The following HERC2 variants were observed in gnomAD, a reference collection of about 807,000 sequenced individuals.
HERC2 encodes the protein E3 ubiquitin-protein ligase HERC2.
HERC2 carries 102 observed loss-of-function variants against 537.7 expected under a neutral mutation model. That is an observed-to-expected ratio of 0.19 (90% CI 0.16 to 0.22). The LOEUF (loss-of-function observed/expected upper bound fraction) is 0.22, where lower values mean the gene tolerates loss of function less well. Among genes scored for constraint, HERC2 ranks in the 10% least tolerant of loss-of-function variants. The probability of loss-of-function intolerance (pLI) is 1.00; values close to 1 mark genes in which losing one functional copy is unlikely to be tolerated. For synonymous variants in HERC2, 2,224 were observed against 2,466.2 expected, an observed-to-expected ratio of 0.90 and a Z score of 2.91; for missense variants, 4,236 against 6,198.2, an observed-to-expected ratio of 0.68 and a Z score of 10.63.
intron 76 of HERC2, 143 bp downstream of exon 76, chr15:28,142,095 C>T: frequency 1.1e-6 from 1 of 872,656 alleles, no homozygotes; most frequent in East Asian, 2.6e-5. Flanking sequence ...TGTCAGTTCA[C>T]TCATTTTCAC....
intron 44 of HERC2, among the ~76,000 whole-genome samples, chr15:28,210,677 T>A (rs764833817): frequency 1.7e-4 from 26 of 151,934 alleles, no homozygotes; most frequent in Admixed American, 4.6e-4. Context: ...CAGGCTCTAT[T>A]TCTTTGGTCT....
chr15:28,155,304 T>C (rs1892884450), intron 69 of HERC2, among the ~76,000 whole-genome samples: 3 of 152,278 alleles, frequency 2.0e-5, no homozygotes, highest in South Asian at 4.2e-4. Flanking sequence ...CTGGGTCAAA[T>C]GGTATTTCTA....
chr15:28,260,843 T>C lies in HERC2; in HGVS notation c.2250A>G (p.Pro750=), dbSNP rs773056325. Residue 750 remains proline, a synonymous_variant, in exon 16 of 93, where the codon CCA becomes CCG. Transcript: ENST00000261609. ...QHFDTLRVTK[P]EPAALPGLDT... ...CCAGTCCTGGCAATGCTGCAGGTTC[T>C]GGCTTGGTCACGCGCAAGGTGTCAA... is the stretch of plus-strand genomic sequence containing the variant. 2 of 1,614,148 alleles carry C rather than the reference T, an allele frequency of 1.2e-6. No individual in the cohort carries two copies. The highest frequency in any genetic ancestry group is 1.3e-5 in the African/African-American group (1 of 74,956).
intron 4 of HERC2, among the ~76,000 whole-genome samples, chr15:28,280,778 C>T (rs28687537): frequency 0.025 from 3,850 of 152,044 alleles, 92 homozygotes; most frequent in Non-Finnish European, 0.038. Context: ...AGTGTGGTGA[C>T]GCACGCCTGG....
intron 4 of HERC2, among the ~76,000 whole-genome samples, chr15:28,284,037 G>A (rs938372728): frequency 6.6e-6 from 1 of 152,128 alleles, no homozygotes; most frequent in Admixed American, 6.6e-5. Flanking sequence ...GAGCCTGAAG[G>A]TAATTTTATA....
intron 20 of HERC2, among the ~76,000 whole-genome samples, chr15:28,251,267 A>G (rs1238246349): frequency 6.6e-6 from 1 of 151,628 alleles, no homozygotes; most frequent in Non-Finnish European, 1.5e-5. Context: ...ACATGGGGAA[A>G]CCCCATCTCT....
chr15:28,210,546 C>T (rs1899080357), intron 44 of HERC2, among the ~76,000 whole-genome samples: 1 of 152,218 alleles, frequency 6.6e-6, no homozygotes, highest in African/African-American at 2.4e-5. Flanking sequence ...CAAAGACCAA[C>T]TCATTTCCTC....
chr15:28,119,797 G>A (rs568589244), intron 86 of HERC2, among the ~76,000 whole-genome samples: 1 of 152,212 alleles, frequency 6.6e-6, no homozygotes, highest in Admixed American at 6.5e-5. Context: ...TTTTTCAATT[G>A]CATACTGAAC....
At chr15:28,252,103 T>G (rs2075103017) in intron 20 of HERC2, among the ~76,000 whole-genome samples, 1 of 152,154 alleles carries the variant, frequency 6.6e-6, no homozygotes, top group Admixed American at 6.6e-5. Flanking sequence ...CGGAATCAAG[T>G]TTTTAAACCT....
At chr15:28,178,739 G>T in intron 59 of HERC2, 148 bp downstream of exon 59, 1 of 835,204 alleles carries the variant, frequency 1.2e-6, no homozygotes, top group Non-Finnish European at 1.7e-6. Context: ...CTAAATTCTA[G>T]ACCACCTAGA....
Position 28,233,677 on chromosome 15 carries a change from T to G in HERC2, c.4338A>C (p.Lys1446Asn). Residue 1446 changes from lysine to asparagine, a missense_variant, in exon 28 of 93, where the codon AAA (lysine) becomes AAC (asparagine). By Grantham distance (94) the Lys-to-Asn change is moderately conservative. Around this residue, in one of 27 missense-constraint regions of HERC2, gnomAD observed 94 missense variants for 174.9 expected, o/e 0.54. Coordinates refer to ENST00000261609, the MANE Select transcript of HERC2 (RefSeq NM_004667.6). ...VGRLLLCCLLKHEDLGHVALS... is the reference protein window; with the variant it reads ...VGRLLLCCLLNHEDLGHVALS... ...CGAGCTCCTTACCTAAATCTTCATGTTTTAAGAGGCAACATAACAACAAGC... is the reference window on the plus strand; with the variant it reads ...CGAGCTCCTTACCTAAATCTTCATGGTTTAAGAGGCAACATAACAACAAGC... The G allele has an allele frequency of 6.2e-7, 1 of 1,613,976 alleles. No homozygotes were observed. Among genetic ancestry groups the G allele is most frequent in the Non-Finnish European group, 8.5e-7 (1 of 1,179,842 alleles).
chr15:28,192,330 AG>A (rs1348392916), intron 52 of HERC2, among the ~76,000 whole-genome samples, 179 bp from the exon 53 acceptor site: 1 of 152,234 alleles, frequency 6.6e-6, no homozygotes, highest in Non-Finnish European at 1.5e-5. Flanking sequence ...CCAATTTATG[AG>A]ATGAAGTCCA....
chr15:28,248,878 T>C (rs1450297719), intron 20 of HERC2, 142 bp from the exon 21 acceptor site: 1 of 667,580 alleles, frequency 1.5e-6, no homozygotes, highest in Admixed American at 2.9e-5. Flanking sequence ...TCCCCAAGTG[T>C]GTCCAATGTA....
At position 28,265,693 on chromosome 15, in the gene HERC2, C is replaced by T. The variant is rs1271703222; in HGVS notation, c.1795G>A (p.Gly599Arg). 7 of 1,614,202 alleles carry T rather than the reference C, an allele frequency of 4.3e-6. No homozygotes were observed. The highest frequency in any genetic ancestry group is 5.9e-6 in the Non-Finnish European group (7 of 1,180,030). The change falls in exon 14 of 93, where the codon GGG (glycine) becomes AGG (arginine). Residue 599 changes from glycine to arginine, a missense_variant. Gly to Arg is a moderately radical substitution (Grantham distance 125). Coordinates refer to ENST00000261609, the MANE Select transcript of HERC2 (RefSeq NM_004667.6). The surrounding 1 kb of genome is among the most constrained non-coding windows in gnomAD (Gnocchi z 4.0). ...EDEAIPMLVA[G>R]LKGLKVIDVA... ...TCGATGACCTTCAGTCCTTTAAGCC[C>T]GGCTACCAGCATCGGAATGGCCTCG...
At chr15:28,246,671 G>T in intron 22 of HERC2, 71 bp downstream of exon 22, 1 of 1,326,322 alleles carries the variant, frequency 7.5e-7, no homozygotes, top group Non-Finnish European at 1.0e-6. Context: ...ATGCTGATCA[G>T]CAAAGAAGAC....
intron 2 of HERC2, among the ~76,000 whole-genome samples, chr15:28,301,239 A>T (rs964000018): frequency 2.0e-5 from 3 of 151,954 alleles, no homozygotes; most frequent in Non-Finnish European, 4.4e-5. Flanking sequence ...ACATGCCGAA[A>T]CCCCATCTCT....
chr15:28,206,563 G>A (rs553832091), intron 44 of HERC2, among the ~76,000 whole-genome samples, 181 bp from the exon 45 acceptor site: 7 of 151,740 alleles, frequency 4.6e-5, no homozygotes, highest in African/African-American at 1.7e-4. Context: ...GTTGGGTGCG[G>A]TGGCTCACGC....
Position 28,212,569 on chromosome 15 carries a change from G to C in HERC2, c.6801C>G (p.Ala2267=). The change falls in exon 43 of 93, where the codon GCC becomes GCG. Residue 2267 remains alanine (A), a synonymous_variant. Coordinates refer to ENST00000261609, the MANE Select transcript of HERC2 (RefSeq NM_004667.6). ...TGAAGGGCAGGTTGTTCACATTAAA[G>C]GCCACGGCAGGGAGCTGGAGAGGAC... ...LNQLKPLPAV[A]FNVNNLPFTE... 1 of 1,605,870 alleles carries C rather than the reference G, an allele frequency of 6.2e-7. No individual in the cohort carries two copies. Among genetic ancestry groups the C allele is most frequent in the South Asian group, 1.1e-5 (1 of 90,540 alleles).
chr15:28,280,287 T>A lies in HERC2; in HGVS notation c.323A>T (p.Asp108Val). The A allele has an allele frequency of 6.2e-7, 1 of 1,602,998 alleles. No individual in the cohort carries two copies. Among genetic ancestry groups the A allele is most frequent in the Non-Finnish European group, 8.5e-7 (1 of 1,175,928 alleles). Residue 108 changes from aspartate (D) to valine (V), a missense_variant and splice_region_variant, in exon 5 of 93, where the codon GAT becomes GTT. Physicochemically the swap from Asp to Val is radical, Grantham distance 152 (BLOSUM62 -3). Coordinates refer to ENST00000261609, the MANE Select transcript of HERC2 (RefSeq NM_004667.6). ...LDSWVWGKQP[D>V]VNELKECLSV... is the part of the protein sequence containing the mutation. Reference sequence around the variant, plus strand: ...AAGACACTCCTTCAGTTCATTCACATCTAGAAAATAAGACAAGAAAACATC... The same window carrying A: ...AAGACACTCCTTCAGTTCATTCACAACTAGAAAATAAGACAAGAAAACATC...
Sources: allele counts gnomAD v4.1 joint callset (sites outside exome capture counted in the v4.1 genomes callset), GRCh38; gene constraint gnomAD v4.1.1; regional missense constraint gnomAD v4.1.1; non-coding constraint Gnocchi (gnomAD v3.1); transcripts MANE v1.5; gene names NCBI Gene and HGNC (gene_info 2026-07-23, HGNC 2026-07-21).